ARID2: variants seen among roughly 807,000 people sequenced by gnomAD.
ARID2 encodes AT-rich interactive domain-containing protein 2.
Under a neutral mutation model 184.6 loss-of-function variants are expected in ARID2, and 32 were observed. The ratio of observed to expected loss-of-function variants is 0.17; its 90% CI spans 0.13 to 0.23. The LOEUF (loss-of-function observed/expected upper bound fraction) is 0.23, where lower values mean the gene tolerates loss of function less well. Among genes scored for constraint, ARID2 ranks in the 10% least tolerant of loss-of-function variants. The probability of loss-of-function intolerance (pLI) is 1.00; values close to 1 mark genes in which losing one functional copy is unlikely to be tolerated. For synonymous variants in ARID2, 836 were observed against 772.6 expected (o/e 1.08, Z -1.36); for missense variants, 1,696 against 2,197.6 (o/e 0.77, Z 4.56).
chr12:45,899,798 AG>A (rs1326940437), intron 20 of ARID2, among the ~76,000 whole-genome samples: 1 of 146,776 alleles, frequency 6.8e-6, no homozygotes, highest in Admixed American at 6.9e-5. Flanking sequence ...CCCACCTCCA[AG>A]GGGGGAGCCT....
rs182807971 is a variant in ARID2 at position 45,733,877 on chromosome 12, C to T, written c.284+2563C>T. Among the ~76,000 whole-genome samples the T allele has an allele frequency of 1.7e-3, 259 of 152,216 alleles. 1 individual carries two copies. Among genetic ancestry groups the T allele is most frequent in the African/African-American group, 5.9e-3 (246 of 41,530 alleles). On this transcript the variant is annotated intron_variant, in intron 3 of 20. Coordinates refer to ENST00000334344, the MANE Select transcript of ARID2 (RefSeq NM_152641.4). ...CATTTATTCAGTTATAGCTTGTCTA[C>T]AAAAATTTCTTAGAGTCTAAAATTG... is the stretch of plus-strand genomic sequence containing the variant.
In ARID2 at chr12:45,778,134, G is replaced by C. The variant is rs920934421; in HGVS notation, c.285-33284G>C. Among the ~76,000 whole-genome samples, 46 of 152,104 alleles carry C rather than the reference G, an allele frequency of 3.0e-4. 1 individual carries two copies. The highest frequency in any genetic ancestry group is 2.9e-3 in the Admixed American group (44 of 15,276). ...GGGCAGTGGAATCGCTTGAACCCGG[G>C]AGGCAGAGTTGCAGTGAGCCGAGAT... On this transcript the variant is annotated intron_variant, in intron 3 of 20. Transcript: ENST00000334344.
At chr12:45,764,330 T>C (rs374504399) in intron 3 of ARID2, among the ~76,000 whole-genome samples, 1 of 152,196 alleles carries the variant, frequency 6.6e-6, no homozygotes. Flanking sequence ...TTTTTTTTGC[T>C]TGACATTACT....
intron 3 of ARID2, among the ~76,000 whole-genome samples, chr12:45,752,632 C>G (rs185195794): frequency 6.6e-6 from 1 of 152,284 alleles, no homozygotes; most frequent in African/African-American, 2.4e-5. Flanking sequence ...AGCAGTCCTT[C>G]TGCCTCACTC....
chr12:45,877,640 G>A (rs923131447), intron 16 of ARID2, among the ~76,000 whole-genome samples: 2 of 151,910 alleles, frequency 1.3e-5, no homozygotes, highest in Admixed American at 6.6e-5. Context: ...CATGAAAGTG[G>A]TCCCTGGTAC....
rs550753951 is a variant in ARID2 at position 45,869,648 on chromosome 12, C to G, written c.4922+8699C>G. ...TTGTAATTTCAGCACTTTGGGAGGC[C>G]GAGGCAGATGGATCACTTGAGGTCA... On this transcript the variant is annotated intron_variant, in intron 16 of 20. Transcript: ENST00000334344. Among the ~76,000 whole-genome samples, 20 of 151,930 alleles carry G rather than the reference C, an allele frequency of 1.3e-4. No homozygotes were observed. In the South Asian group the frequency reaches 3.7e-3, roughly 28 times the overall value.
chr12:45,887,139 G>C (rs1253714101), intron 16 of ARID2, among the ~76,000 whole-genome samples: 2 of 152,194 alleles, frequency 1.3e-5, no homozygotes, highest in Non-Finnish European at 2.9e-5. Context: ...CAATTTGGCT[G>C]AAGGGGAATT....
At chr12:45,800,741 A>G (rs1417636914) in intron 3 of ARID2, among the ~76,000 whole-genome samples, 1 of 152,152 alleles carries the variant, frequency 6.6e-6, no homozygotes, top group Non-Finnish European at 1.5e-5. Flanking sequence ...TGCTATAAAT[A>G]TAAAGTAAGA....
chr12:45,809,733 T>C (rs569482631), intron 3 of ARID2, among the ~76,000 whole-genome samples: 1 of 152,278 alleles, frequency 6.6e-6, no homozygotes, highest in African/African-American at 2.4e-5. Flanking sequence ...CAAATTAGGC[T>C]TATGTGGGGA....
intron 20 of ARID2, among the ~76,000 whole-genome samples, chr12:45,897,095 G>C (rs1324383872): frequency 6.6e-6 from 1 of 152,176 alleles, no homozygotes; most frequent in East Asian, 1.9e-4. Context: ...GAGACCAATG[G>C]AATAGAAGAG....
chr12:45,767,790 A>C (rs1941800019), intron 3 of ARID2, among the ~76,000 whole-genome samples: 1 of 152,206 alleles, frequency 6.6e-6, no homozygotes, highest in South Asian at 2.1e-4. Flanking sequence ...TCTACTTCAC[A>C]CTGTTGCTGG....
intron 3 of ARID2, chr12:45,789,764 A>G (rs550487957): frequency 1.3e-5 from 2 of 152,304 alleles, no homozygotes; most frequent in East Asian, 3.9e-4. Context: ...TATTTCTGGA[A>G]ATTGAACCTT....
intron 3 of ARID2, among the ~76,000 whole-genome samples, chr12:45,739,438 C>CTTTTTTTTTTTTTT (rs71067906): frequency 3.3e-5 from 3 of 90,780 alleles, no homozygotes; most frequent in Non-Finnish European, 5.9e-5. Context: ...TATAAAGTTA[C>CTTTTTTTTTTTTTT]TTTTTTTTTT....
chr12:45,897,831 T>C (rs566029551), intron 20 of ARID2, among the ~76,000 whole-genome samples: 1 of 152,240 alleles, frequency 6.6e-6, no homozygotes, highest in African/African-American at 2.4e-5. Flanking sequence ...TGTACAGTTC[T>C]ATGAGTTTTT....
chr12:45,843,180 T>A (rs1943382961), intron 11 of ARID2, among the ~76,000 whole-genome samples: 1 of 152,016 alleles, frequency 6.6e-6, no homozygotes, highest in Non-Finnish European at 1.5e-5. Flanking sequence ...CAAAAAGATA[T>A]TAACAAGATA....
At chr12:45,768,681 A>T (rs574331782) in intron 3 of ARID2, among the ~76,000 whole-genome samples, 1 of 152,146 alleles carries the variant, frequency 6.6e-6, no homozygotes, top group African/African-American at 2.4e-5. Context: ...TAGAAGGGCT[A>T]GTTTGCTGGA....
At chr12:45,878,531 A>G (rs1944047896) in intron 16 of ARID2, among the ~76,000 whole-genome samples, 1 of 152,168 alleles carries the variant, frequency 6.6e-6, no homozygotes, top group Non-Finnish European at 1.5e-5. Context: ...TGAGTCTATG[A>G]AAGACATTGT....
At chr12:45,834,317 A>G (rs973038556) in intron 6 of ARID2, among the ~76,000 whole-genome samples, 4 of 151,792 alleles carry the variant, frequency 2.6e-5, no homozygotes, top group Non-Finnish European at 4.4e-5. Flanking sequence ...GCTTAACCAC[A>G]GTTACCTTTA....
Position 45,848,496 on chromosome 12 carries a change from T to C in ARID2, c.1581-340T>C, listed in dbSNP as rs1015994661. 1.6e-4 allele frequency among the ~76,000 whole-genome samples: 24 copies of C among 152,254 alleles called. No individual in the cohort carries two copies. The East Asian group carries it at 4.0e-3, about 26-fold the overall frequency. ...GTAATTGGGAACTTGTTTTATGTTA[T>C]GATTATTACAAGACAGGATGCCGAA... is the stretch of plus-strand genomic sequence containing the variant. On this transcript the variant is annotated intron_variant, in intron 12 of 20. Transcript: ENST00000334344.
Sources: allele counts gnomAD v4.1 joint callset (sites outside exome capture counted in the v4.1 genomes callset), GRCh38; gene constraint gnomAD v4.1.1; transcripts MANE v1.5; gene names NCBI Gene and HGNC (gene_info 2026-07-23, HGNC 2026-07-21).